Variants in GALNT13 observed in about 807,000 individuals in gnomAD.
GALNT13 encodes polypeptide N-acetylgalactosaminyltransferase 13, also known as UDP-GalNAc:polypeptide N-acetylgalactosaminyltransferase 13.
A neutral mutation model predicts 64.2 loss-of-function variants in GALNT13; 28 were observed. The observed-to-expected ratio is 0.44, with a 90% CI of 0.32 to 0.60. The LOEUF (loss-of-function observed/expected upper bound fraction) is 0.60, where lower values mean the gene tolerates loss of function less well. Ranked by LOEUF, GALNT13 falls within the 20% of genes least tolerant of loss-of-function variation. The pLI, the probability that GALNT13 is intolerant of heterozygous loss-of-function variation, is 0.05. For synonymous variants in GALNT13, 214 were observed against 224.6 expected (o/e 0.95, Z 0.42); for missense variants, 577 against 669.8 (o/e 0.86, Z 1.53).
At chr2:153,747,013 G>A in the GALNT13 span, among the ~76,000 whole-genome samples, 13 of 151,896 alleles carry the variant, frequency 8.6e-5, no homozygotes, top group Non-Finnish European at 1.8e-4. Context: ...TTTATGGCAC[G>A]AATGTCTTCT....
intron 4 of GALNT13, among the ~76,000 whole-genome samples, chr2:154,159,020 C>T (rs1169347260): frequency 6.6e-6 from 1 of 151,986 alleles, no homozygotes; most frequent in Non-Finnish European, 1.5e-5. Flanking sequence ...TGTTGTTTTA[C>T]TTACTTCTTT....
intron 3 of GALNT13, among the ~76,000 whole-genome samples, chr2:154,001,244 T>G (rs1284561062): frequency 6.6e-6 from 1 of 151,992 alleles, no homozygotes; most frequent in Non-Finnish European, 1.5e-5. Context: ...TGTTATATAG[T>G]CACTCTGTCT....
chr2:154,227,203 G>A (rs1688664633), intron 4 of GALNT13, among the ~76,000 whole-genome samples: 1 of 152,048 alleles, frequency 6.6e-6, no homozygotes, highest in South Asian at 2.1e-4. Flanking sequence ...GGTGCACTCT[G>A]CTGATGATGT....
the GALNT13 span, among the ~76,000 whole-genome samples, chr2:153,632,664 G>C: frequency 6.6e-6 from 1 of 152,090 alleles, no homozygotes; most frequent in Non-Finnish European, 1.5e-5. Context: ...AGCCTTTTGA[G>C]AATGGTTTCC....
the GALNT13 span, among the ~76,000 whole-genome samples, chr2:153,862,649 A>T: frequency 2.0e-5 from 3 of 151,932 alleles, no homozygotes; most frequent in Admixed American, 6.6e-5. Context: ...TACTATTCTT[A>T]TTTTACTATA....
At chr2:153,360,419 G>T in the GALNT13 span, among the ~76,000 whole-genome samples, 1 of 152,210 alleles carries the variant, frequency 6.6e-6, no homozygotes, top group East Asian at 1.9e-4. Context: ...ACTCCTTGGG[G>T]GAGGGGCGGC....
the GALNT13 span, among the ~76,000 whole-genome samples, chr2:153,082,614 TATATACACAC>T: frequency 1.2e-3 from 38 of 31,294 alleles, no homozygotes; most frequent in South Asian, 3.1e-3. Context: ...TATATATATA[TATATACACAC>T]ACACACACAC....
the GALNT13 span, among the ~76,000 whole-genome samples, chr2:153,807,568 T>C: frequency 1.3e-5 from 2 of 152,008 alleles, no homozygotes; most frequent in Non-Finnish European, 2.9e-5. Flanking sequence ...AAAATATAGC[T>C]CAATATCTTT....
At chr2:154,415,356 G>C (rs1204539171) in intron 11 of GALNT13, among the ~76,000 whole-genome samples, 1 of 151,988 alleles carries the variant, frequency 6.6e-6, no homozygotes, top group Non-Finnish European at 1.5e-5. Flanking sequence ...GCAAAAAAAT[G>C]TAAAGTAATG....
chr2:154,397,394 G>A (rs769649367), intron 10 of GALNT13, among the ~76,000 whole-genome samples: 6 of 152,136 alleles, frequency 3.9e-5, no homozygotes, highest in Non-Finnish European at 8.8e-5. Flanking sequence ...AGCCGAGATC[G>A]CGCCATTGCA....
chr2:154,419,481 T>C (rs1038690242), intron 11 of GALNT13, among the ~76,000 whole-genome samples: 3 of 152,304 alleles, frequency 2.0e-5, no homozygotes, highest in South Asian at 2.1e-4. Flanking sequence ...ACATCTACCA[T>C]GTAAGACATT....
intron 3 of GALNT13, among the ~76,000 whole-genome samples, chr2:154,018,992 G>C (rs1156805011): frequency 6.6e-6 from 1 of 152,118 alleles, no homozygotes; most frequent in Non-Finnish European, 1.5e-5. Context: ...AAACGAGAGA[G>C]AGAGATTGAC....
intron 3 of GALNT13, among the ~76,000 whole-genome samples, chr2:153,978,622 C>T (rs7587742): frequency 0.18 from 27,984 of 152,034 alleles, 4,762 homozygotes; most frequent in East Asian, 0.76. Context: ...CTTGCCACCA[C>T]CATGTAAGAA....
At chr2:153,841,701 C>A in the GALNT13 span, among the ~76,000 whole-genome samples, 559 of 152,160 alleles carry the variant, frequency 3.7e-3, 5 homozygotes, top group African/African-American at 0.013. Context: ...CAAAATGTGC[C>A]TATGTTTTGA....
chr2:153,255,468 C>T, the GALNT13 span, among the ~76,000 whole-genome samples: 116 of 147,594 alleles, frequency 7.9e-4, no homozygotes, highest in African/African-American at 2.9e-3. Context: ...AGTCCATTTA[C>T]ATTTAAAGTT....
At chr2:154,314,294 T>G (rs1313559455) in intron 9 of GALNT13, among the ~76,000 whole-genome samples, 2 of 152,162 alleles carry the variant, frequency 1.3e-5, no homozygotes, top group Non-Finnish European at 2.9e-5. Context: ...ATTGAAGAGA[T>G]CACTCTGACA....
At chr2:154,157,267 A>G (rs1327946103) in intron 4 of GALNT13, among the ~76,000 whole-genome samples, 4 of 152,056 alleles carry the variant, frequency 2.6e-5, no homozygotes, top group Admixed American at 6.6e-5. Flanking sequence ...TGCTTTCTCC[A>G]CTGTTACTAT....
At chr2:153,908,961 T>G (rs1688762394) in intron 2 of GALNT13, among the ~76,000 whole-genome samples, 1 of 152,152 alleles carries the variant, frequency 6.6e-6, no homozygotes, top group African/African-American at 2.4e-5. Context: ...GGGATAGCAT[T>G]GAATCTATAA....
the GALNT13 span, among the ~76,000 whole-genome samples, chr2:153,644,337 T>C: frequency 3.2e-3 from 482 of 152,198 alleles, 3 homozygotes; most frequent in African/African-American, 0.011. Context: ...CTATTTTTCC[T>C]CCTGAATAAT....
Sources: gnomAD v4.1 joint callset for allele counts (sites outside exome capture counted in the v4.1 genomes callset) on GRCh38, gnomAD v4.1.1 for gene constraint, MANE v1.5 for transcripts, NCBI Gene and HGNC (gene_info 2026-07-23, HGNC 2026-07-21) for gene names.